Variants in RCVRN observed in about 807,000 individuals in gnomAD.
RCVRN encodes cancer associated retinopathy antigen.
RCVRN carries 23 observed loss-of-function variants against 20.4 expected under a neutral mutation model. The observed-to-expected ratio is 1.13, with a 90% confidence interval of 0.81 to 1.60. The LOEUF (loss-of-function observed/expected upper bound fraction) is 1.60, where lower values mean the gene tolerates loss of function less well. Ranked by LOEUF, RCVRN falls within the 40% of genes most tolerant of loss-of-function variation. The pLI is 0.00. For synonymous variants in RCVRN, 105 were observed against 105.9 expected, an observed-to-expected ratio of 0.99 and a Z score of 0.05; for missense variants, 254 against 254.2, an observed-to-expected ratio of 1.00 and a Z score of 0.00.
intron 1 of RCVRN, among the ~76,000 whole-genome samples, chr17:9,902,915 G>A (rs2067347818): frequency 6.6e-6 from 1 of 152,192 alleles, no homozygotes; most frequent in African/African-American, 2.4e-5. Context: ...CTCAAACCCA[G>A]GAGGGGGAGG....
Position 9,904,786 on chromosome 17 carries a change from GA to G in RCVRN, c.381+13del. 1 of 1,609,182 alleles carries G rather than the reference GA, an allele frequency of 6.2e-7. No homozygotes were observed. Among genetic ancestry groups the G allele is most frequent in the Non-Finnish European group, 8.5e-7 (1 of 1,176,748 alleles). ...CCGGCACCGCCCAGCCAGAAGGGGA[GA>G]GGGGAGACTGACCATGACGATCTCC... On this transcript the variant is annotated intron_variant, in intron 1 of 2. Transcript: ENST00000226193. The surrounding 1 kb of genome is among the most constrained non-coding windows in gnomAD (Gnocchi z 5.8).
Position 9,899,096 on chromosome 17 carries a change from C to A in RCVRN, c.494-892G>T, listed in dbSNP as rs759289618. On this transcript the variant is annotated intron_variant, in intron 2 of 2. Coordinates refer to ENST00000226193, the MANE Select transcript of RCVRN (RefSeq NM_002903.3). The surrounding 1 kb of genome is among the most constrained non-coding windows in gnomAD (Gnocchi z 4.6). Reference sequence around the variant, plus strand: ...GAAACTGTTGACCTGGCGGGGAAGGCAGTCACACGCAGAAATACCTCTAGC... The same window carrying A: ...GAAACTGTTGACCTGGCGGGGAAGGAAGTCACACGCAGAAATACCTCTAGC... Among the ~76,000 whole-genome samples the A allele has an allele frequency of 1.3e-5, 2 of 152,158 alleles. No homozygotes were observed. Among genetic ancestry groups the A allele is most frequent in the Non-Finnish European group, 2.9e-5 (2 of 68,034 alleles).
At position 9,899,061 on chromosome 17, in the gene RCVRN, C is replaced by T. The variant is rs1249830750; in HGVS notation, c.494-857G>A. On this transcript the variant is annotated intron_variant, in intron 2 of 2. Transcript: ENST00000226193. The surrounding 1 kb of genome is among the most constrained non-coding windows in gnomAD (Gnocchi z 4.6). The stretch of plus-strand genomic sequence containing the variant: ...ACAATAGAAGAGAGTGAGATGAAGT[C>T]CCTCCCTGGGAAACTGTTGACCTGG... Among the ~76,000 whole-genome samples the T allele has an allele frequency of 6.6e-6, 1 of 152,122 alleles. No individual in the cohort carries two copies. Among genetic ancestry groups the T allele is most frequent in the African/African-American group, 2.4e-5 (1 of 41,412 alleles).
chr17:9,902,920 G>C (rs1036698328), intron 1 of RCVRN, among the ~76,000 whole-genome samples: 1 of 152,092 alleles, frequency 6.6e-6, no homozygotes, highest in African/African-American at 2.4e-5. Context: ...ACCCAGGAGG[G>C]GGAGGTTGCA....
chr17:9,904,195 C>T lies in RCVRN; in HGVS notation c.381+605G>A, dbSNP rs541440276. On this transcript the variant is annotated intron_variant, in intron 1 of 2. Coordinates refer to ENST00000226193, the MANE Select transcript of RCVRN (RefSeq NM_002903.3). This position sits in a 1 kb window ranked among gnomAD's most constrained non-coding sequence, Gnocchi z 5.8. ...GGCAGAGGTTGCAGTGAGCCAAGAT[C>T]GCACTATTGCACTCCAGCTCTGGGC... Among the ~76,000 whole-genome samples, 8 of 152,238 alleles carry T rather than the reference C, an allele frequency of 5.3e-5. No individual in the cohort carries two copies. The highest frequency in any genetic ancestry group is 1.9e-4 in the East Asian group (1 of 5,176).
At position 9,896,379 on chromosome 17, in the gene RCVRN, A is replaced by G. The variant is rs1461558290; in HGVS notation, c.*1716T>C. 1 of 152,232 alleles carries G rather than the reference A, an allele frequency of 6.6e-6. No individual in the cohort carries two copies. Among genetic ancestry groups the G allele is most frequent in the Admixed American group, 6.5e-5 (1 of 15,274 alleles). 9.4% of individuals were successfully genotyped at this position (152,232 alleles called of 1,614,324 possible). A position where few individuals can be genotyped will look rare whatever the true frequency, so the allele number is the denominator to read the frequency against. On this transcript the variant is annotated 3_prime_UTR_variant, in exon 3 of 3. Coordinates refer to ENST00000226193, the MANE Select transcript of RCVRN (RefSeq NM_002903.3). ...TCCACACAGAGGAGTGCTCTTTGGC[A>G]GTGGTGATTGTGTCATCTCTGTGGC...
Position 9,899,677 on chromosome 17 carries a change from G to A in RCVRN, c.493+1312C>T, listed in dbSNP as rs924853577. On this transcript the variant is annotated intron_variant, in intron 2 of 2. Coordinates refer to ENST00000226193, the MANE Select transcript of RCVRN (RefSeq NM_002903.3). The surrounding 1 kb of genome is among the most constrained non-coding windows in gnomAD (Gnocchi z 4.6). ...GTGAGGGGCCAATCCGGGCCGATGA[G>A]GGAAAGGTGGGTAAAGTACCAAGGC... Among the ~76,000 whole-genome samples, 3 of 152,180 alleles carry A rather than the reference G, an allele frequency of 2.0e-5. No individual in the cohort carries two copies. The highest frequency in any genetic ancestry group is 4.4e-5 in the Non-Finnish European group (3 of 68,040).
chr17:9,897,420 C>A lies in RCVRN; in HGVS notation c.*675G>T, dbSNP rs75641477. On this transcript the variant is annotated 3_prime_UTR_variant, in exon 3 of 3. Coordinates refer to ENST00000226193, the MANE Select transcript of RCVRN (RefSeq NM_002903.3). The stretch of plus-strand genomic sequence containing the variant: ...GCAGTGGTTCTGAATTTAAATCTCC[C>A]TTCGTCAGGGATGTGGTCCCTGATC... 0.16 allele frequency: 23,912 copies of A among 151,726 alleles called. 2,526 individuals are homozygous for A. The highest frequency in any genetic ancestry group is 0.24 in the Non-Finnish European group (16,043 of 67,878). The allele number at this position is 151,726 out of a possible 1,614,324, so 9.4% of individuals were successfully genotyped here. A position where few individuals can be genotyped will look rare whatever the true frequency, so the allele number is the denominator to read the frequency against.
intron 1 of RCVRN, 26 bp from the exon 2 acceptor site, chr17:9,901,126 C>T (rs369880791): frequency 1.1e-5 from 15 of 1,373,444 alleles, no homozygotes; most frequent in East Asian, 4.7e-5. Flanking sequence ...AGAAAGAACT[C>T]GTTAGGAGGA....
rs1329484506 is a variant in RCVRN at position 9,897,321 on chromosome 17, A to C, written c.*774T>G. 2 of 151,718 alleles carry C rather than the reference A, an allele frequency of 1.3e-5. No homozygotes were observed. Among genetic ancestry groups the C allele is most frequent in the African/African-American group, 4.8e-5 (2 of 41,242 alleles). 9.4% of individuals were successfully genotyped at this position (151,718 alleles called of 1,614,324 possible). On this transcript the variant is annotated 3_prime_UTR_variant, in exon 3 of 3. Coordinates refer to ENST00000226193, the MANE Select transcript of RCVRN (RefSeq NM_002903.3). ...CTCCTGGAACTCGAGATGGTCATTC[A>C]TGCCTCAGCGGCTCTGTGTTGGCCG...
Position 9,904,878 on chromosome 17 carries a change from C to T in RCVRN, c.303G>A (p.Lys101=). The T allele has an allele frequency of 6.2e-7, 1 of 1,614,250 alleles. No individual in the cohort carries two copies. Among genetic ancestry groups the T allele is most frequent in the Non-Finnish European group, 8.5e-7 (1 of 1,180,046 alleles). Residue 101 remains lysine, a synonymous_variant, in exon 1 of 3, where the codon AAG becomes AAA. Coordinates refer to ENST00000226193, the MANE Select transcript of RCVRN (RefSeq NM_002903.3). This position sits in a 1 kb window ranked among gnomAD's most constrained non-coding sequence, Gnocchi z 5.8. ...CGTAGAGGGAGAAGGCCCACTCCAG[C>T]TTCTGGTTGGTCTTGCCCGCGGTGG... ...HMTTAGKTNQ[K]LEWAFSLYDV... is the part of the protein sequence containing the mutation.
chr17:9,904,805 C>G lies in RCVRN; in HGVS notation c.376G>C (p.Val126Leu). ...TISKNEVLEI[V>L]MAIFKMITPE... ...AGGGGAGAGGGGAGACTGACCATGA[C>G]GATCTCCAGCACTTCATTCTTGCTG... Residue 126 changes from valine to leucine, a missense_variant, in exon 1 of 3, where the codon GTC becomes CTC. Val to Leu is a conservative substitution (Grantham distance 32). Coordinates refer to ENST00000226193, the MANE Select transcript of RCVRN (RefSeq NM_002903.3). The surrounding 1 kb of genome is among the most constrained non-coding windows in gnomAD (Gnocchi z 5.8). 4 of 1,613,098 alleles carry G rather than the reference C, an allele frequency of 2.5e-6. No homozygotes were observed. The highest frequency in any genetic ancestry group is 3.4e-6 in the Non-Finnish European group (4 of 1,179,338).
chr17:9,901,083 G>C lies in RCVRN; in HGVS notation c.399C>G (p.Ile133Met). 6.2e-7 allele frequency: 1 copy of C among 1,601,292 alleles called. No individual in the cohort carries two copies. Among genetic ancestry groups the C allele is most frequent in the South Asian group, 1.1e-5 (1 of 90,146 alleles). The change falls in exon 2 of 3, where the codon ATC becomes ATG. Residue 133 changes from isoleucine (I) to methionine (M), a missense_variant. Transcript: ENST00000226193. ...LEIVMAIFKM[I>M]TPEDVKLLPD... ...GAAGGAGCTTCACGTCCTCGGGAGT[G>C]ATCATTTTGAAAATAGCCTGTACCA...
At chr17:9,901,868 C>T (rs1356770847) in intron 1 of RCVRN, among the ~76,000 whole-genome samples, 2 of 152,238 alleles carry the variant, frequency 1.3e-5, no homozygotes, top group African/African-American at 2.4e-5. Context: ...TAGTTGGAGT[C>T]AGAGCTGGGA....
intron 2 of RCVRN, among the ~76,000 whole-genome samples, chr17:9,898,756 T>C (rs2067329649): frequency 6.6e-6 from 1 of 152,082 alleles, no homozygotes; most frequent in African/African-American, 2.4e-5. Context: ...CAGAGAGGTC[T>C]CTTTGGCACC....
intron 2 of RCVRN, 121 bp from the exon 3 acceptor site, chr17:9,898,325 T>C (rs922958519): frequency 4.4e-6 from 3 of 678,398 alleles, no homozygotes; most frequent in Non-Finnish European, 8.0e-6. Context: ...TATAAGAATA[T>C]TGAATACTCA....
rs375655494 is a variant in RCVRN, at chr17:9,904,387, G to A, written c.381+413C>T. Among the ~76,000 whole-genome samples, 3 of 152,258 alleles carry A rather than the reference G, an allele frequency of 2.0e-5. No homozygotes were observed. Among genetic ancestry groups the A allele is most frequent in the East Asian group, 1.9e-4 (1 of 5,176 alleles). ...GAATGTGAAGAACTAGGACATTACC[G>A]TACACAACTACAGACTTTACGGATA... On this transcript the variant is annotated intron_variant, in intron 1 of 2. Transcript: ENST00000226193. This position sits in a 1 kb window ranked among gnomAD's most constrained non-coding sequence, Gnocchi z 5.8.
Position 9,896,844 on chromosome 17 carries a change from A to C in RCVRN, c.*1251T>G, listed in dbSNP as rs187031676. 6.0e-3 allele frequency: 916 copies of C among 152,402 alleles called. 2 individuals carry two copies. Among genetic ancestry groups the C allele is most frequent in the Non-Finnish European group, 9.7e-3 (659 of 68,120 alleles). The allele number at this position is 152,402 out of a possible 1,614,324, so 9.4% of individuals were successfully genotyped here. ...ACCCCAAAGACTCTCTGTATTTCTC[A>C]TCTCCATAGATGGCATTGCTATTCA... On this transcript the variant is annotated 3_prime_UTR_variant, in exon 3 of 3. Coordinates refer to ENST00000226193, the MANE Select transcript of RCVRN (RefSeq NM_002903.3).
chr17:9,901,519 G>A (rs940909097), intron 1 of RCVRN, among the ~76,000 whole-genome samples: 8 of 138,796 alleles, frequency 5.8e-5, no homozygotes, highest in East Asian at 2.0e-4. Context: ...TTATCCTGGA[G>A]GGAAGGTCGA....
Sources: gnomAD v4.1 joint callset for allele counts (sites outside exome capture counted in the v4.1 genomes callset) on GRCh38, gnomAD v4.1.1 for gene constraint, Gnocchi (gnomAD v3.1) non-coding constraint, MANE v1.5 for transcripts, NCBI Gene and HGNC (gene_info 2026-07-23, HGNC 2026-07-21) for gene names.